SLC28A2: variants seen among roughly 807,000 people sequenced by gnomAD.
SLC28A2 encodes solute carrier family 28 member 2, also known as sodium/nucleoside cotransporter 2.
SLC28A2 carries 69 observed loss-of-function variants against 72.9 expected under a neutral mutation model. The observed-to-expected ratio is 0.95, with a 90% CI of 0.78 to 1.16. The LOEUF (loss-of-function observed/expected upper bound fraction) is 1.16, where lower values mean the gene tolerates loss of function less well. SLC28A2 is among the 50% of genes most tolerant of loss of function. The probability of loss-of-function intolerance (pLI) is 0.00; values close to 1 mark genes in which losing one functional copy is unlikely to be tolerated. For synonymous variants in SLC28A2, 296 were observed against 294.1 expected (o/e 1.01, Z -0.07); for missense variants, 745 against 791.1 (o/e 0.94, Z 0.70).
At chr15:45,262,338 T>G (rs541599537) in intron 4 of SLC28A2, among the ~76,000 whole-genome samples, 28 of 152,318 alleles carry the variant, frequency 1.8e-4, no homozygotes, top group African/African-American at 6.5e-4. Context: ...TTTGATGGAT[T>G]TAAAATATTT....
rs1244944115 is a variant in SLC28A2 at position 45,268,209 on chromosome 15, G to A, written c.1200-1G>A. 30 of 1,597,316 alleles carry A rather than the reference G, an allele frequency of 1.9e-5. No individual in the cohort carries two copies. Among genetic ancestry groups the A allele is most frequent in the Non-Finnish European group, 2.6e-5 (30 of 1,166,224 alleles). ...TCTTGCCCTCTGCCCAATAACCACA[G>A]GAAGGAGAGGAATGTCCTGGAAGCT... On this transcript the variant is annotated splice_acceptor_variant, in intron 12 of 17. Coordinates refer to ENST00000347644, the MANE Select transcript of SLC28A2 (RefSeq NM_004212.4). LOFTEE classifies it high-confidence loss of function.
chr15:45,265,534 C>CA (rs1900304174), intron 8 of SLC28A2, 49 bp from the exon 9 acceptor site: 1 of 1,295,864 alleles, frequency 7.7e-7, no homozygotes, highest in African/African-American at 1.5e-5. Flanking sequence ...GCCTAAAACA[C>CA]AGAGTATGCA....
chr15:45,269,404 A>G lies in SLC28A2; in HGVS notation c.1435A>G (p.Met479Val), dbSNP rs930290765. Reference sequence around the variant, plus strand: ...GGGTGTAGAGTGGACAGACTGTCCAATGGTGGCTGAGATGGTGGGAATCAA... The same window carrying G: ...GGGTGTAGAGTGGACAGACTGTCCAGTGGTGGCTGAGATGGTGGGAATCAA... ...MMGVEWTDCP[M>V]VAEMVGIKFF... Residue 479 changes from methionine (M) to valine (V), a missense_variant, in exon 14 of 18, where the codon ATG becomes GTG. By Grantham distance (21) the Met-to-Val change is conservative. Transcript: ENST00000347644. 6 of 1,613,572 alleles carry G rather than the reference A, an allele frequency of 3.7e-6. No individual in the cohort carries two copies. In the Admixed American group the frequency reaches 5.0e-5, roughly 13 times the overall value.
intron 17 of SLC28A2, among the ~76,000 whole-genome samples, chr15:45,274,747 CTT>C (rs775797373): frequency 2.9e-4 from 35 of 119,808 alleles, no homozygotes; most frequent in Admixed American, 2.3e-4. Flanking sequence ...TTTGATTCTT[CTT>C]TTTTTTTTTT....
In SLC28A2 at chr15:45,267,391, G is replaced by C. The variant is rs574578845; in HGVS notation, c.943-64G>C. 3.1e-4 allele frequency: 490 copies of C among 1,594,224 alleles called. 4 individuals carry two copies. In the South Asian group the frequency reaches 5.1e-3, roughly 17 times the overall value. ...AGTGGGTCCAGCCCCTGGGGCTGGG[G>C]TGGGCACACTGGCATGGGGAGTTAC... On this transcript the variant is annotated intron_variant, in intron 10 of 17. Coordinates refer to ENST00000347644, the MANE Select transcript of SLC28A2 (RefSeq NM_004212.4).
intron 3 of SLC28A2, 199 bp downstream of exon 3, chr15:45,253,719 G>A (rs963932418): frequency 7.0e-5 from 32 of 456,866 alleles, no homozygotes; most frequent in Middle Eastern, 1.1e-3. Flanking sequence ...GTGTTGGTTG[G>A]ACTGAAAATA....
At chr15:45,267,018 A>G (rs1242350395) in intron 10 of SLC28A2, among the ~76,000 whole-genome samples, 2 of 152,200 alleles carry the variant, frequency 1.3e-5, no homozygotes, top group African/African-American at 2.4e-5. Flanking sequence ...CTTTTGATCC[A>G]TAAGCAGGGG....
In SLC28A2 at chr15:45,263,961, C is replaced by A. The variant is rs980091761; in HGVS notation, c.527C>A (p.Pro176His). ...DTAQRPEQLIPFAGICMFILI... is the reference protein window; with the variant it reads ...DTAQRPEQLIHFAGICMFILI... ...GCCCAAAGGCCAGAGCAGCTGATCCCCTTTGCAGGAATCTGCATGTTCATC... is the reference window on the plus strand; with the variant it reads ...GCCCAAAGGCCAGAGCAGCTGATCCACTTTGCAGGAATCTGCATGTTCATC... The change falls in exon 6 of 18, where the codon CCC becomes CAC. Residue 176 changes from proline to histidine, a missense_variant. Physicochemically the swap from Pro to His is moderately conservative, Grantham distance 77 (BLOSUM62 -2). Transcript: ENST00000347644. The A allele has an allele frequency of 6.2e-7, 1 of 1,613,704 alleles. No homozygotes were observed. Among genetic ancestry groups the A allele is most frequent in the Non-Finnish European group, 8.5e-7 (1 of 1,179,810 alleles).
intron 9 of SLC28A2, 45 bp from the exon 10 acceptor site, chr15:45,266,036 A>G: frequency 7.3e-7 from 1 of 1,362,122 alleles, no homozygotes; most frequent in Non-Finnish European, 1.1e-6. Flanking sequence ...ATGTTCTCCA[A>G]GATTCCTGCT....
chr15:45,254,742 G>A (rs1428555817), intron 3 of SLC28A2, among the ~76,000 whole-genome samples: 1 of 152,152 alleles, frequency 6.6e-6, no homozygotes, highest in Non-Finnish European at 1.5e-5. Flanking sequence ...AGTTACCTCA[G>A]TGACTTCTTA....
intron 14 of SLC28A2, 55 bp downstream of exon 14, chr15:45,269,590 G>T: frequency 6.7e-7 from 1 of 1,496,390 alleles, no homozygotes. Flanking sequence ...ATGGTTATCT[G>T]AGGGTAGACA....
intron 3 of SLC28A2, among the ~76,000 whole-genome samples, chr15:45,258,069 C>A (rs955895402): frequency 6.6e-6 from 1 of 151,908 alleles, no homozygotes; most frequent in African/African-American, 2.4e-5. Flanking sequence ...ACTAAAAATA[C>A]AAAAATATGT....
chr15:45,264,742 T>C lies in SLC28A2; in HGVS notation c.676T>C (p.Phe226Leu), dbSNP rs1053670572. Residue 226 changes from phenylalanine (F) to leucine (L), a missense_variant, in exon 7 of 18, where the codon TTT (phenylalanine) becomes CTT (leucine). By Grantham distance (22) the Phe-to-Leu change is conservative. Transcript: ENST00000347644. ...VIRTDLGYTV[F>L]QWLGEQVQIF... ...CAGAACTGATCTTGGATATACTGTA[T>C]TTCAGTGGCTGGGAGAGCAGGTCCA... 7 of 1,612,646 alleles carry C rather than the reference T, an allele frequency of 4.3e-6. No homozygotes were observed. In the African/African-American group the frequency reaches 9.3e-5, roughly 22 times the overall value.
At chr15:45,269,293 T>C (rs774976105) in intron 13 of SLC28A2, 45 bp from the exon 14 acceptor site, 1 of 1,531,762 alleles carries the variant, frequency 6.5e-7, no homozygotes. Flanking sequence ...CTGACCTTTG[T>C]TATATTAGTC....
At chr15:45,266,870 G>A (rs182955979) in intron 10 of SLC28A2, among the ~76,000 whole-genome samples, 68 of 152,210 alleles carry the variant, frequency 4.5e-4, no homozygotes, top group African/African-American at 1.6e-3. Flanking sequence ...CTATATCAAT[G>A]TCCTTAGCAT....
At chr15:45,264,937 C>T (rs1193248548) in intron 7 of SLC28A2, 152 bp from the exon 8 acceptor site, 2 of 738,730 alleles carry the variant, frequency 2.7e-6, no homozygotes, top group Non-Finnish European at 4.7e-6. Context: ...ATAAAGAGCT[C>T]ATGGGGACAT....
chr15:45,273,845 A>C (rs1900666379), intron 17 of SLC28A2, among the ~76,000 whole-genome samples: 1 of 152,210 alleles, frequency 6.6e-6, no homozygotes, highest in African/African-American at 2.4e-5. Context: ...CTTTTCCGGC[A>C]TAAGCAAGTG....
In SLC28A2 at chr15:45,262,197, T is replaced by C. The variant is rs193129878; in HGVS notation, c.262+91T>C. On this transcript the variant is annotated intron_variant, in intron 4 of 17. Coordinates refer to ENST00000347644, the MANE Select transcript of SLC28A2 (RefSeq NM_004212.4). ...GTGATTACCAGGTGGAAGGCATTTT[T>C]ATTCAAAACTGATCTAAAAAGCTAT... 684 of 832,386 alleles carry C rather than the reference T, an allele frequency of 8.2e-4. 7 individuals are homozygous for C. In the African/African-American group the frequency reaches 0.011, roughly 13 times the overall value. The allele number at this position is 832,386 out of a possible 1,614,324, so 51.6% of individuals were successfully genotyped here. A position where few individuals can be genotyped will look rare whatever the true frequency, so the allele number is the denominator to read the frequency against.
At position 45,268,344 on chromosome 15, in the gene SLC28A2, G is replaced by C; in HGVS notation, c.1334G>C (p.Gly445Ala). 1.9e-6 allele frequency: 3 copies of C among 1,605,104 alleles called. No individual in the cohort carries two copies. Among genetic ancestry groups the C allele is most frequent in the Non-Finnish European group, 2.6e-6 (3 of 1,172,734 alleles). The change falls in exon 13 of 18, where the codon GGG (glycine) becomes GCG (alanine). Residue 445 changes from glycine to alanine, a missense_variant. By Grantham distance (60) the Gly-to-Ala change is moderately conservative. Coordinates refer to ENST00000347644, the MANE Select transcript of SLC28A2 (RefSeq NM_004212.4). ...ATCAATGCTGCCCTCTCCTGGCTGG[G>C]GGAATTGGTGGACATACAGGGGCTC... ...AFINAALSWL[G>A]ELVDIQGLTF...
Sources: allele counts gnomAD v4.1 joint callset (sites outside exome capture counted in the v4.1 genomes callset), GRCh38; gene constraint gnomAD v4.1.1; transcripts MANE v1.5; gene names NCBI Gene and HGNC (gene_info 2026-07-23, HGNC 2026-07-21).